The following UST variants were observed in gnomAD, a reference collection of about 807,000 sequenced individuals.
UST encodes the protein chondroitin sulfate 2-O-sulfotransferase.
In UST, 21 loss-of-function variants were observed where a neutral mutation model predicts 45.6. The ratio of observed to expected loss-of-function variants is 0.46; its 90% CI spans 0.33 to 0.66. The LOEUF (loss-of-function observed/expected upper bound fraction) is 0.66, where lower values mean the gene tolerates loss of function less well. Among genes scored for constraint, UST ranks in the 30% least tolerant of loss-of-function variants. The pLI, the probability that UST is intolerant of heterozygous loss-of-function variation, is 0.02. For missense variants in UST, 463 were observed against 512.4 expected, an observed-to-expected ratio of 0.90 and a Z score of 0.93; for synonymous variants, 215 against 200.6, an observed-to-expected ratio of 1.07 and a Z score of -0.61.
At chr6:149,036,888 C>T (rs765884548) in intron 7 of UST, among the ~76,000 whole-genome samples, 17 of 152,140 alleles carry the variant, frequency 1.1e-4, no homozygotes, top group Non-Finnish European at 1.9e-4. Context: ...CAGGGCTGTA[C>T]TGGAGGTTTC....
rs1360245278 is a variant in UST at position 149,076,724 on chromosome 6, A to C, written c.*2608A>C. On this transcript the variant is annotated 3_prime_UTR_variant, in exon 8 of 8. Transcript: ENST00000367463. ...TTGATCTTTGACTGTCTTATTTATTATAACCTTTCAGCACATTCCAAGGTT... is the reference window on the plus strand; with the variant it reads ...TTGATCTTTGACTGTCTTATTTATTCTAACCTTTCAGCACATTCCAAGGTT... 1.3e-5 allele frequency: 2 copies of C among 152,658 alleles called. No individual in the cohort carries two copies. The highest frequency in any genetic ancestry group is 1.3e-4 in the Admixed American group (2 of 15,282). The allele number at this position is 152,658 out of a possible 1,614,324, so 9.5% of individuals were successfully genotyped here.
intron 5 of UST, among the ~76,000 whole-genome samples, chr6:148,988,431 C>T (rs1007234877): frequency 5.9e-5 from 9 of 151,782 alleles, no homozygotes; most frequent in African/African-American, 2.2e-4. Flanking sequence ...AAAGGTAGCC[C>T]AGCATGGTGG....
chr6:148,915,483 C>A (rs1261271464), intron 2 of UST, among the ~76,000 whole-genome samples: 1 of 152,100 alleles, frequency 6.6e-6, no homozygotes, highest in African/African-American at 2.4e-5. Context: ...CAGTCCCAGA[C>A]CCCAAACAAG....
rs1776818851 is a variant in UST at position 148,790,298 on chromosome 6, G to T, written c.247+42621G>T. On this transcript the variant is annotated intron_variant, in intron 1 of 7. Coordinates refer to ENST00000367463, the MANE Select transcript of UST (RefSeq NM_005715.3). The surrounding 1 kb of genome is among the most constrained non-coding windows in gnomAD (Gnocchi z 4.2). ...TGGAATGAAAGCTTCTGGGAGTAGA[G>T]ACCCCGTTTTGCTGTCTGCTCTCTC... Among the ~76,000 whole-genome samples, 1 of 152,184 alleles carries T rather than the reference G, an allele frequency of 6.6e-6. No individual in the cohort carries two copies. The highest frequency in any genetic ancestry group is 2.4e-5 in the African/African-American group (1 of 41,432).
intron 1 of UST, among the ~76,000 whole-genome samples, chr6:148,860,293 G>A (rs1433372810): frequency 6.6e-6 from 1 of 152,126 alleles, no homozygotes; most frequent in South Asian, 2.1e-4. Flanking sequence ...TTGGCTCTCT[G>A]TTTGTCTGTT....
Position 148,748,518 on chromosome 6 carries a change from G to C in UST, c.247+841G>C, listed in dbSNP as rs1207263684. On this transcript the variant is annotated intron_variant, in intron 1 of 7. Coordinates refer to ENST00000367463, the MANE Select transcript of UST (RefSeq NM_005715.3). The surrounding 1 kb of genome is among the most constrained non-coding windows in gnomAD (Gnocchi z 5.3). ...AGGAAGGGGTTTGACGGGAGGGAAAGAGCCGCTCCAGCGAGAAGGCGTGAC... is the reference window on the plus strand; with the variant it reads ...AGGAAGGGGTTTGACGGGAGGGAAACAGCCGCTCCAGCGAGAAGGCGTGAC... Among the ~76,000 whole-genome samples the C allele has an allele frequency of 2.0e-5, 3 of 151,854 alleles. No individual in the cohort carries two copies. Among genetic ancestry groups the C allele is most frequent in the African/African-American group, 7.3e-5 (3 of 41,314 alleles).
chr6:148,771,812 T>G lies in UST; in HGVS notation c.247+24135T>G, dbSNP rs185971862. Among the ~76,000 whole-genome samples, 544 of 152,274 alleles carry G rather than the reference T, an allele frequency of 3.6e-3. 4 individuals carry two copies. The highest frequency in any genetic ancestry group is 5.9e-3 in the Non-Finnish European group (403 of 68,022). On this transcript the variant is annotated intron_variant, in intron 1 of 7. Transcript: ENST00000367463. ...AGAGTTTTTGCAGGTAACTACTAAATTTGTAGCTGAATTTTCTGGAGGTCA... is the reference window on the plus strand; with the variant it reads ...AGAGTTTTTGCAGGTAACTACTAAAGTTGTAGCTGAATTTTCTGGAGGTCA...
chr6:148,994,191 C>T lies in UST; in HGVS notation c.682-24948C>T, dbSNP rs555414255. On this transcript the variant is annotated intron_variant, in intron 5 of 7. Coordinates refer to ENST00000367463, the MANE Select transcript of UST (RefSeq NM_005715.3). ...TTTGCCATGTTGGCCAAGCTGATCT[C>T]GAACTTCTGGCCTCAAGTGATCCAC... Among the ~76,000 whole-genome samples the T allele has an allele frequency of 1.2e-4, 18 of 152,064 alleles. No individual in the cohort carries two copies. The South Asian group carries it at 2.9e-3, about 25-fold the overall frequency.
rs574862316 is a variant in UST, at chr6:148,908,543, T to C, written c.291+21514T>C. Among the ~76,000 whole-genome samples the C allele has an allele frequency of 5.3e-4, 80 of 152,344 alleles. 1 individual carries two copies. Among genetic ancestry groups the C allele is most frequent in the Admixed American group, 2.5e-3 (38 of 15,298 alleles). On this transcript the variant is annotated intron_variant, in intron 2 of 7. Coordinates refer to ENST00000367463, the MANE Select transcript of UST (RefSeq NM_005715.3). ...TGACAGAAGTTATTCTTTTGCTTATTACATTTAATTATTTTTCTTTGCCAT... is the reference window on the plus strand; with the variant it reads ...TGACAGAAGTTATTCTTTTGCTTATCACATTTAATTATTTTTCTTTGCCAT...
At chr6:148,958,044 A>T (rs1300216147) in intron 4 of UST, among the ~76,000 whole-genome samples, 1 of 152,200 alleles carries the variant, frequency 6.6e-6, no homozygotes, top group Non-Finnish European at 1.5e-5. Context: ...TTGAAGGGTA[A>T]GGCATTATAC....
chr6:148,846,504 G>A (rs2114779989), intron 1 of UST, among the ~76,000 whole-genome samples: 1 of 151,948 alleles, frequency 6.6e-6, no homozygotes, highest in South Asian at 2.1e-4. Context: ...GCTAAATGAC[G>A]AGTTAATGGG....
At position 148,787,387 on chromosome 6, in the gene UST, A is replaced by C. The variant is rs553359109; in HGVS notation, c.247+39710A>C. Among the ~76,000 whole-genome samples, 18 of 152,322 alleles carry C rather than the reference A, an allele frequency of 1.2e-4. No homozygotes were observed. In the South Asian group the frequency reaches 3.1e-3, roughly 26 times the overall value. ...TGTATATGGTGTAAGGAAGGGGTCC[A>C]GTTTCAATTTTTTGCATATGGCTAG... On this transcript the variant is annotated intron_variant, in intron 1 of 7. Coordinates refer to ENST00000367463, the MANE Select transcript of UST (RefSeq NM_005715.3).
chr6:148,958,759 T>G (rs956503595), intron 4 of UST, among the ~76,000 whole-genome samples: 1 of 152,186 alleles, frequency 6.6e-6, no homozygotes, highest in South Asian at 2.1e-4. Flanking sequence ...TTGTATTTTT[T>G]GGGGGGCGTA....
chr6:149,033,689 C>T (rs1776189509), intron 7 of UST, among the ~76,000 whole-genome samples: 1 of 152,122 alleles, frequency 6.6e-6, no homozygotes, highest in South Asian at 2.1e-4. Context: ...CTCACCCCGC[C>T]CCTCGTCTTT....
intron 7 of UST, among the ~76,000 whole-genome samples, chr6:149,061,892 G>C (rs1776660134): frequency 6.6e-6 from 1 of 152,216 alleles, no homozygotes; most frequent in Admixed American, 6.5e-5. Context: ...CTTTCATTTT[G>C]CTAATGGAGA....
chr6:149,075,104 A>T lies in UST; in HGVS notation c.*988A>T, dbSNP rs1005685435. 2.6e-5 allele frequency: 4 copies of T among 152,226 alleles called. No homozygotes were observed. The highest frequency in any genetic ancestry group is 5.9e-5 in the Non-Finnish European group (4 of 68,060). 9.4% of individuals were successfully genotyped at this position (152,226 alleles called of 1,614,324 possible). ...GGCATGGCTGTGTCTTTTGCACCCA[A>T]TATGAAACATCTTCTCCCAACACTG... On this transcript the variant is annotated 3_prime_UTR_variant, in exon 8 of 8. Coordinates refer to ENST00000367463, the MANE Select transcript of UST (RefSeq NM_005715.3).
chr6:148,854,851 C>T (rs1778171410), intron 1 of UST, among the ~76,000 whole-genome samples: 1 of 152,106 alleles, frequency 6.6e-6, no homozygotes, highest in South Asian at 2.1e-4. Context: ...ATTAATTATT[C>T]CGATGTTAAT....
intron 2 of UST, among the ~76,000 whole-genome samples, chr6:148,922,288 A>C (rs184632361): frequency 4.6e-5 from 7 of 151,932 alleles, no homozygotes; most frequent in Admixed American, 4.6e-4. Flanking sequence ...CCACTAGCAT[A>C]CTGCCTGTCT....
At chr6:148,977,751 C>CAAA (rs60475773) in intron 5 of UST, among the ~76,000 whole-genome samples, 11 of 88,192 alleles carry the variant, frequency 1.2e-4, no homozygotes, top group African/African-American at 3.9e-4. Flanking sequence ...GAATCTGTCT[C>CAAA]AAAAAAAAAA....
Sources: allele counts gnomAD v4.1 joint callset (sites outside exome capture counted in the v4.1 genomes callset), GRCh38; gene constraint gnomAD v4.1.1; non-coding constraint Gnocchi (gnomAD v3.1); transcripts MANE v1.5; gene names NCBI Gene and HGNC (gene_info 2026-07-23, HGNC 2026-07-21).